The following SGCD variants were observed in gnomAD, a reference collection of about 807,000 sequenced individuals.
SGCD encodes the protein sarcoglycan delta, also known as delta-sarcoglycan.
A neutral mutation model predicts 36.6 loss-of-function variants in SGCD; 18 were observed. The ratio of observed to expected loss-of-function variants is 0.49; its 90% CI spans 0.34 to 0.73. SGCD has a LOEUF of 0.73. SGCD is among the 30% of genes least tolerant of loss of function. The pLI, the probability that SGCD is intolerant of heterozygous loss-of-function variation, is 0.01. For synonymous variants in SGCD, 133 were observed against 130.6 expected, an observed-to-expected ratio of 1.02 and a Z score of -0.12; for missense variants, 387 against 346.7, an observed-to-expected ratio of 1.12 and a Z score of -0.92.
intron 3 of SGCD, among the ~76,000 whole-genome samples, chr5:156,318,971 A>C (rs900620962): frequency 2.0e-5 from 3 of 152,196 alleles, no homozygotes; most frequent in Non-Finnish European, 2.9e-5. Flanking sequence ...TGATATGCTC[A>C]TCAAGTAGCC....
intron 4 of SGCD, among the ~76,000 whole-genome samples, chr5:156,542,366 C>A (rs1758382700): frequency 6.6e-6 from 1 of 152,142 alleles, no homozygotes; most frequent in African/African-American, 2.4e-5. Flanking sequence ...AACTGTTGTG[C>A]CCTTCAAGGT....
intron 3 of SGCD, among the ~76,000 whole-genome samples, chr5:156,302,099 C>T (rs79857156): frequency 2.4e-4 from 37 of 152,216 alleles, no homozygotes; most frequent in East Asian, 2.1e-3. Context: ...AAACTTTCTA[C>T]GGCTATCTTC....
intron 3 of SGCD, among the ~76,000 whole-genome samples, chr5:156,218,716 A>T (rs1419895392): frequency 6.6e-6 from 1 of 152,152 alleles, no homozygotes; most frequent in Non-Finnish European, 1.5e-5. Context: ...CTTTGCAAGC[A>T]TTAGCACTCT....
At chr5:156,320,174 C>T (rs1393879032) in intron 3 of SGCD, among the ~76,000 whole-genome samples, 1 of 149,902 alleles carries the variant, frequency 6.7e-6, no homozygotes, top group Non-Finnish European at 1.5e-5. Flanking sequence ...GAGGCTTGGT[C>T]TTTAGTATTA....
At chr5:155,947,391 A>G (rs1757461175) in intron 1 of SGCD, among the ~76,000 whole-genome samples, 1 of 151,052 alleles carries the variant, frequency 6.6e-6, no homozygotes, top group Non-Finnish European at 1.5e-5. Context: ...CATAACAGTT[A>G]TGTTAATGTC....
intron 7 of SGCD, chr5:156,738,564 A>G (rs751405704): frequency 6.6e-6 from 1 of 152,228 alleles, no homozygotes. Flanking sequence ...AGAATGGACT[A>G]TTTTTAGCCA....
At chr5:155,893,513 G>A (rs1032992075) in intron 1 of SGCD, among the ~76,000 whole-genome samples, 3 of 152,146 alleles carry the variant, frequency 2.0e-5, no homozygotes, top group Non-Finnish European at 4.4e-5. Flanking sequence ...TTATATAAAT[G>A]GTTGAGTAAT....
intron 6 of SGCD, among the ~76,000 whole-genome samples, chr5:156,629,561 G>C (rs981887440): frequency 1.3e-5 from 2 of 152,172 alleles, no homozygotes; most frequent in African/African-American, 4.8e-5. Flanking sequence ...TCAATTCCAA[G>C]GGATGATAAG....
intron 6 of SGCD, among the ~76,000 whole-genome samples, chr5:156,638,203 A>G (rs1350880150): frequency 6.6e-6 from 1 of 151,832 alleles, no homozygotes; most frequent in Non-Finnish European, 1.5e-5. Flanking sequence ...TGTGAGAGAC[A>G]CTTGAGAACT....
At chr5:156,711,173 G>A (rs960087336) in intron 7 of SGCD, among the ~76,000 whole-genome samples, 1 of 152,082 alleles carries the variant, frequency 6.6e-6, no homozygotes, top group Admixed American at 6.5e-5. Flanking sequence ...GTGTTTCAGG[G>A]TTTTTTGGAA....
intron 6 of SGCD, among the ~76,000 whole-genome samples, chr5:156,620,139 TG>T (rs1762186487): frequency 6.6e-6 from 1 of 152,184 alleles, no homozygotes; most frequent in Admixed American, 6.5e-5. Context: ...GGTACAACAC[TG>T]GGTAAGTTTA....
At chr5:156,508,034 A>C (rs886314064) in intron 3 of SGCD, among the ~76,000 whole-genome samples, 3 of 152,196 alleles carry the variant, frequency 2.0e-5, no homozygotes, top group Admixed American at 6.5e-5. Context: ...ATAAATTGAT[A>C]ATCGCTGAAG....
At chr5:156,340,408 G>T (rs2127712894) in intron 2 of SGCD, among the ~76,000 whole-genome samples, 1 of 152,256 alleles carries the variant, frequency 6.6e-6, no homozygotes, top group Non-Finnish European at 1.5e-5. Flanking sequence ...TGGTGAATTG[G>T]AGCTATGGGT....
intron 1 of SGCD, among the ~76,000 whole-genome samples, chr5:156,006,854 A>G (rs182181412): frequency 1.4e-4 from 22 of 152,208 alleles, no homozygotes; most frequent in African/African-American, 4.6e-4. Flanking sequence ...GTTTCTACAC[A>G]TACCCATTCC....
At chr5:156,106,391 G>A (rs1284475966) in intron 1 of SGCD, among the ~76,000 whole-genome samples, 1 of 152,178 alleles carries the variant, frequency 6.6e-6, no homozygotes, top group Non-Finnish European at 1.5e-5. Flanking sequence ...TCATGTGAAT[G>A]CAGAAAGGTA....
At chr5:156,543,710 C>T (rs1758446130) in intron 4 of SGCD, among the ~76,000 whole-genome samples, 1 of 152,234 alleles carries the variant, frequency 6.6e-6, no homozygotes, top group Admixed American at 6.5e-5. Context: ...ATGACGATAT[C>T]TTCACCTCTT....
chr5:156,454,590 C>A (rs1044839555), intron 3 of SGCD, among the ~76,000 whole-genome samples: 6 of 152,122 alleles, frequency 3.9e-5, no homozygotes, highest in African/African-American at 1.4e-4. Context: ...CTCTGGAGTA[C>A]ATACAGGATA....
At chr5:156,126,088 C>G (rs890227077) in intron 3 of SGCD, among the ~76,000 whole-genome samples, 1 of 151,878 alleles carries the variant, frequency 6.6e-6, no homozygotes. Flanking sequence ...GCCATATTGT[C>G]CACGCTGGTC....
chr5:155,802,864 T>G, the SGCD span, among the ~76,000 whole-genome samples: 1 of 152,214 alleles, frequency 6.6e-6, no homozygotes, highest in Admixed American at 6.5e-5. Flanking sequence ...TTTTCTACTT[T>G]GCATAGATAT....
Sources: gnomAD v4.1 joint callset for allele counts (sites outside exome capture counted in the v4.1 genomes callset) on GRCh38, gnomAD v4.1.1 for gene constraint, MANE v1.5 for transcripts, NCBI Gene and HGNC (gene_info 2026-07-23, HGNC 2026-07-21) for gene names.